PCDHA1: variants seen among roughly 807,000 people sequenced by gnomAD.
PCDHA1 encodes protocadherin alpha 1.
PCDHA1 carries 42 observed loss-of-function variants against 61.3 expected under a neutral mutation model. The ratio of observed to expected loss-of-function variants is 0.69; its 90% confidence interval spans 0.54 to 0.89. The LOEUF is 0.89. Ranked by LOEUF, PCDHA1 falls within the 40% of genes least tolerant of loss-of-function variation. The pLI is 0.00. For missense variants in PCDHA1, 1,256 were observed against 1,235.3 expected (o/e 1.02, Z -0.25); for synonymous variants, 610 against 553.8 (o/e 1.10, Z -1.43).
At chr5:140,798,356 A>G (rs916416018) in intron 1 of PCDHA1, among the ~76,000 whole-genome samples, 2 of 152,198 alleles carry the variant, frequency 1.3e-5, no homozygotes, top group African/African-American at 4.8e-5. Context: ...AACATTTTTG[A>G]GTTATCAGGC....
In PCDHA1 at chr5:140,807,837, G is replaced by T. The variant is rs782293476; in HGVS notation, c.2394+19153G>T. The T allele has an allele frequency of 3.1e-6, 5 of 1,614,048 alleles. No individual in the cohort carries two copies. Among genetic ancestry groups the T allele is most frequent in the Non-Finnish European group, 3.4e-6 (4 of 1,180,042 alleles). On this transcript the variant is annotated intron_variant, in intron 1 of 3. Coordinates refer to ENST00000504120, the MANE Select transcript of PCDHA1 (RefSeq NM_018900.4). ...TTTTTAGTGCTCACAGCCACTGATG[G>T]AGGCAAACCCGAGTTGACTGGCACC...
chr5:140,857,858 G>T (rs781810921), intron 1 of PCDHA1: 3 of 1,597,852 alleles, frequency 1.9e-6, no homozygotes, highest in South Asian at 1.1e-5. Context: ...TGGATACAAC[G>T]CGTGGCTGTC....
intron 1 of PCDHA1, among the ~76,000 whole-genome samples, chr5:140,889,581 T>C (rs566040851): frequency 3.0e-4 from 45 of 152,324 alleles, no homozygotes; most frequent in Non-Finnish European, 4.3e-4. Flanking sequence ...ATTTTTGTTT[T>C]TGCTTTGAAA....
intron 1 of PCDHA1, among the ~76,000 whole-genome samples, chr5:140,896,506 A>G (rs1231827987): frequency 2.7e-5 from 4 of 150,856 alleles, no homozygotes; most frequent in African/African-American, 9.7e-5. Flanking sequence ...GGGACTGTGC[A>G]GGCACACACC....
intron 1 of PCDHA1, among the ~76,000 whole-genome samples, chr5:140,896,566 G>A (rs1562891221): frequency 6.7e-6 from 1 of 150,252 alleles, no homozygotes; most frequent in Non-Finnish European, 1.5e-5. Context: ...AAGTAGAGAT[G>A]GGGTTTTGAC....
At chr5:140,881,325 A>G in intron 1 of PCDHA1, 4 of 984,454 alleles carry the variant, frequency 4.1e-6, no homozygotes, top group Non-Finnish European at 4.8e-6. Flanking sequence ...ATTCTATTTA[A>G]CCAGGACGCC....
chr5:140,877,224 G>C (rs986695805), intron 1 of PCDHA1: 6 of 1,613,712 alleles, frequency 3.7e-6, no homozygotes, highest in Admixed American at 1.7e-5. Flanking sequence ...TACCGCGGTC[G>C]GTGGGTGCGG....
intron 1 of PCDHA1, chr5:140,868,276 C>T (rs2050375719): frequency 6.6e-6 from 1 of 151,768 alleles, no homozygotes; most frequent in African/African-American, 2.4e-5. Flanking sequence ...TTTAAAACTA[C>T]CAAGTTTGAG....
chr5:140,851,507 AAT>A, intron 1 of PCDHA1: 1 of 903,816 alleles, frequency 1.1e-6, no homozygotes, highest in Non-Finnish European at 1.3e-6. Flanking sequence ...ACTTATATAA[AAT>A]ATGTTTTAAA....
rs375261398 is a variant in PCDHA1 at position 140,910,786 on chromosome 5, A to G, written c.2395-68163A>G. On this transcript the variant is annotated intron_variant, in intron 1 of 3. Transcript: ENST00000504120. ...TAAACTCCCCAAGCTGCAACATTAA[A>G]TGCAGAATCCCTGCTTAGTGGGCCC... is the stretch of plus-strand genomic sequence containing the variant. 2.6e-3 allele frequency among the ~76,000 whole-genome samples: 391 copies of G among 152,326 alleles called. 2 individuals are homozygous for G. Among genetic ancestry groups the G allele is most frequent in the African/African-American group, 9.1e-3 (380 of 41,560 alleles).
At chr5:140,837,131 A>G (rs1181780684) in intron 1 of PCDHA1, 1 of 155,420 alleles carries the variant, frequency 6.4e-6, no homozygotes, top group African/African-American at 2.4e-5. Flanking sequence ...ATTTTATTCT[A>G]TGTATTGTCC....
At chr5:140,829,620 T>C (rs1770444149) in intron 1 of PCDHA1, 2 of 1,612,108 alleles carry the variant, frequency 1.2e-6, no homozygotes, top group East Asian at 4.5e-5. Context: ...TACATTTCGG[T>C]GCACGCGGAG....
intron 1 of PCDHA1, chr5:140,811,229 A>G (rs111902732): frequency 0.058 from 8,883 of 152,340 alleles, 854 homozygotes; most frequent in African/African-American, 0.2. Context: ...TCGTTGTTCA[A>G]TTCCCACCTA....
At chr5:140,978,711 C>G (rs1306070484) in intron 1 of PCDHA1, among the ~76,000 whole-genome samples, 2 of 152,238 alleles carry the variant, frequency 1.3e-5, no homozygotes, top group Non-Finnish European at 2.9e-5. Flanking sequence ...GTGGCCTTTA[C>G]AAGATTATTA....
rs782733393 is a variant in PCDHA1 at position 140,875,889 on chromosome 5, G to T, written c.2394+87205G>T. The T allele has an allele frequency of 4.8e-5, 78 of 1,614,056 alleles. No homozygotes were observed. The highest frequency in any genetic ancestry group is 5.8e-5 in the Non-Finnish European group (69 of 1,180,042). On this transcript the variant is annotated intron_variant, in intron 1 of 3. Coordinates refer to ENST00000504120, the MANE Select transcript of PCDHA1 (RefSeq NM_018900.4). ...CGGTGTTCAGAGAAAGGGAACAAAA[G>T]GTACCTGTTTCTGAATCTGCGCCTC...
At chr5:140,992,038 TG>T (rs2097488764) in intron 3 of PCDHA1, among the ~76,000 whole-genome samples, 1 of 151,828 alleles carries the variant, frequency 6.6e-6, no homozygotes, top group African/African-American at 2.4e-5. Context: ...TGTGTGTGTG[TG>T]TGTGTGTGTG....
intron 1 of PCDHA1, chr5:140,828,229 C>T (rs2150152666): frequency 1.2e-6 from 2 of 1,613,968 alleles, no homozygotes; most frequent in Non-Finnish European, 1.7e-6. Flanking sequence ...CCTTCGTGGG[C>T]CGGATCGCGC....
intron 1 of PCDHA1, chr5:140,857,534 C>G: frequency 1.9e-6 from 3 of 1,597,458 alleles, no homozygotes; most frequent in Non-Finnish European, 2.6e-6. Flanking sequence ...TCTGGTGGAG[C>G]GGCGGTTGGG....
intron 1 of PCDHA1, among the ~76,000 whole-genome samples, chr5:140,946,631 T>TATATATATATATATATATACACAC (rs57893927): frequency 7.6e-6 from 1 of 131,846 alleles, no homozygotes; most frequent in South Asian, 2.2e-4. Context: ...TATATATATA[T>TATATATATATATATATATACACAC]ACAATGGAAT....
Sources: allele counts gnomAD v4.1 joint callset (sites outside exome capture counted in the v4.1 genomes callset), GRCh38; gene constraint gnomAD v4.1.1; transcripts MANE v1.5; gene names NCBI Gene and HGNC (gene_info 2026-07-23, HGNC 2026-07-21).